IL1RAPL2: variants seen among roughly 807,000 people sequenced by gnomAD.
The protein encoded by IL1RAPL2 is X-linked interleukin-1 receptor accessory protein-like 2.
In IL1RAPL2, 3 loss-of-function variants were observed where a neutral mutation model predicts 44.1. The observed-to-expected ratio is 0.07, with a 90% CI of 0.03 to 0.18. The LOEUF (loss-of-function observed/expected upper bound fraction) is 0.18. Ranked by LOEUF, IL1RAPL2 falls within the 10% of genes least tolerant of loss-of-function variation. The pLI is 1.00. For missense variants in IL1RAPL2, 391 were observed against 496.4 expected (o/e 0.79, Z 2.02); for synonymous variants, 181 against 178.8 (o/e 1.01, Z -0.10).
chrX:104,921,022 C>A (rs910611666), intron 2 of IL1RAPL2, among the ~76,000 whole-genome samples: 1 of 111,160 alleles, frequency 9.0e-6, no homozygotes, highest in African/African-American at 3.3e-5. Context: ...CGGTGCCATT[C>A]CCAAGGAAGT....
At chrX:104,616,123 A>G (rs1322583212) in intron 1 of IL1RAPL2, among the ~76,000 whole-genome samples, 7 of 112,112 alleles carry the variant, frequency 6.2e-5, no homozygotes, top group Non-Finnish European at 1.9e-5. Context: ...TGGATACTAG[A>G]CCTTTGTCAA....
At chrX:104,680,897 T>C (rs956977239) in intron 2 of IL1RAPL2, among the ~76,000 whole-genome samples, 4 of 112,337 alleles carry the variant, frequency 3.6e-5, no homozygotes, top group Non-Finnish European at 7.5e-5. Context: ...ATCTAATTTA[T>C]CTATATAGTA....
At chrX:104,975,216 C>T (rs1161675498) in intron 2 of IL1RAPL2, among the ~76,000 whole-genome samples, 2 of 110,945 alleles carry the variant, frequency 1.8e-5, no homozygotes, top group Non-Finnish European at 3.8e-5. Flanking sequence ...GAAGAGTTTG[C>T]CCTTCTGGGG....
At chrX:105,220,765 G>A (rs2033954503) in intron 3 of IL1RAPL2, 2 of 166,384 alleles carry the variant, frequency 1.2e-5, no homozygotes, top group Non-Finnish European at 2.3e-5. Flanking sequence ...GGAGTGGAAG[G>A]GAGTGAGTGA....
chrX:104,739,325 A>T (rs1027366655), intron 2 of IL1RAPL2, among the ~76,000 whole-genome samples: 12 of 112,237 alleles, frequency 1.1e-4, no homozygotes, highest in Admixed American at 1.9e-4. Flanking sequence ...ATTTATTTTT[A>T]AAAAAACAGG....
intron 7 of IL1RAPL2, among the ~76,000 whole-genome samples, chrX:105,730,718 A>T (rs1304298753): frequency 9.0e-6 from 1 of 111,550 alleles, no homozygotes; most frequent in Non-Finnish European, 1.9e-5. Context: ...GGAGCTTTGA[A>T]ATCTGTAGGA....
At chrX:104,950,269 C>T (rs1925533196) in intron 2 of IL1RAPL2, among the ~76,000 whole-genome samples, 1 of 111,860 alleles carries the variant, frequency 8.9e-6, no homozygotes, top group African/African-American at 3.3e-5. Flanking sequence ...TTTCCATTTC[C>T]TTGGTAGATC....
intron 5 of IL1RAPL2, among the ~76,000 whole-genome samples, chrX:105,275,561 A>C (rs1217589207): frequency 8.9e-6 from 1 of 112,175 alleles, no homozygotes; most frequent in African/African-American, 3.2e-5. Context: ...TATGATAGGT[A>C]TTCAAAAATT....
intron 5 of IL1RAPL2, among the ~76,000 whole-genome samples, chrX:105,387,434 C>G (rs1569433071): frequency 9.1e-6 from 1 of 109,891 alleles, no homozygotes; most frequent in Non-Finnish European, 1.9e-5. Flanking sequence ...GGGGTTTCAC[C>G]ATGTTGGTCA....
chrX:104,772,551 A>G (rs1932656602), intron 2 of IL1RAPL2, among the ~76,000 whole-genome samples: 1 of 112,306 alleles, frequency 8.9e-6, no homozygotes, highest in African/African-American at 3.2e-5. Context: ...ATAGAGATCA[A>G]TATTGCCTTG....
At chrX:104,947,024 T>C (rs1925397470) in intron 2 of IL1RAPL2, among the ~76,000 whole-genome samples, 2 of 105,398 alleles carry the variant, frequency 1.9e-5, no homozygotes, top group Admixed American at 2.1e-4. Flanking sequence ...TAGTTTACAG[T>C]CCCACCAACA....
chrX:105,590,813 TTGTGTGTGTGTGTG>T (rs199802193), intron 6 of IL1RAPL2, among the ~76,000 whole-genome samples: 1 of 97,197 alleles, frequency 1.0e-5, no homozygotes, highest in East Asian at 3.4e-4. Flanking sequence ...TGGCCTGAAT[TTGTGTGTGTGTGTG>T]TGTGTGTGTG....
intron 6 of IL1RAPL2, among the ~76,000 whole-genome samples, chrX:105,625,332 G>A (rs1602493499): frequency 9.0e-6 from 1 of 111,639 alleles, no homozygotes; most frequent in Admixed American, 9.5e-5. Context: ...ATCCATATCC[G>A]CAAGAAGTTC....
At chrX:105,151,764 G>T (rs1332828735) in intron 2 of IL1RAPL2, among the ~76,000 whole-genome samples, 4 of 105,718 alleles carry the variant, frequency 3.8e-5, no homozygotes, top group Non-Finnish European at 7.6e-5. Context: ...TCAACAAGTG[G>T]ATAAAAAAAC....
At chrX:104,585,322 A>ATATATTATATATTATATAT (rs1347233369) in intron 1 of IL1RAPL2, among the ~76,000 whole-genome samples, 4 of 21,015 alleles carry the variant, frequency 1.9e-4, no homozygotes, top group Admixed American at 9.2e-4. Flanking sequence ...AATATATATT[A>ATATATTATATATTATATAT]TATATAATAT....
chrX:105,483,724 G>A (rs990546441), intron 5 of IL1RAPL2, among the ~76,000 whole-genome samples: 7 of 111,724 alleles, frequency 6.3e-5, no homozygotes, highest in Non-Finnish European at 1.1e-4. Context: ...ATAGTCCTGT[G>A]TTATAAATTG....
intron 2 of IL1RAPL2, among the ~76,000 whole-genome samples, chrX:104,848,601 G>A (rs1019412789): frequency 1.9e-5 from 2 of 107,156 alleles, no homozygotes; most frequent in African/African-American, 6.7e-5. Context: ...AATTGGTTTT[G>A]TTAGAAATAC....
intron 2 of IL1RAPL2, among the ~76,000 whole-genome samples, chrX:104,975,035 T>G (rs1302961235): frequency 8.9e-6 from 1 of 112,192 alleles, no homozygotes; most frequent in Non-Finnish European, 1.9e-5. Context: ...TTGCTAATAA[T>G]TGCATTTTTT....
intron 9 of IL1RAPL2, among the ~76,000 whole-genome samples, chrX:105,753,574 G>A (rs1291910232): frequency 9.0e-6 from 1 of 111,275 alleles, no homozygotes; most frequent in Admixed American, 9.6e-5. Context: ...AAGGGCAGAG[G>A]TGCTAGGATT....
Sources: allele counts gnomAD v4.1 joint callset (sites outside exome capture counted in the v4.1 genomes callset), GRCh38; gene constraint gnomAD v4.1.1; transcripts MANE v1.5; gene names NCBI Gene and HGNC (gene_info 2026-07-23, HGNC 2026-07-21).